The following NR6A1 variants were observed in gnomAD, a reference collection of about 807,000 sequenced individuals.
The protein encoded by NR6A1 is retinoic acid receptor-related testis-associated receptor.
Under a neutral mutation model 59.1 loss-of-function variants are expected in NR6A1, and 7 were observed. That is an observed-to-expected ratio of 0.12 (90% CI 0.07 to 0.22). The LOEUF is 0.22. Among genes scored for constraint, NR6A1 ranks in the 10% least tolerant of loss-of-function variants. NR6A1 has a pLI of 1.00. For synonymous variants in NR6A1, 243 were observed against 236.1 expected, an observed-to-expected ratio of 1.03 and a Z score of -0.27; for missense variants, 468 against 611.6, an observed-to-expected ratio of 0.77 and a Z score of 2.48.
rs1314265583 is a variant in NR6A1 at position 124,520,558 on chromosome 9, A to T, written c.*2147T>A. 1.3e-5 allele frequency: 2 copies of T among 152,250 alleles called. No individual in the cohort carries two copies. The highest frequency in any genetic ancestry group is 3.8e-4 in the East Asian group (2 of 5,204). The allele number at this position is 152,250 out of a possible 1,614,324, so 9.4% of individuals were successfully genotyped here. A position where few individuals can be genotyped will look rare whatever the true frequency, so the allele number is the denominator to read the frequency against. ...ACCCAACACAACGGGTAAAATGTTT[A>T]ATTTGAAAAGCAATTTCAAAAATAA... On this transcript the variant is annotated 3_prime_UTR_variant, in exon 10 of 10. Coordinates refer to ENST00000487099, the MANE Select transcript of NR6A1 (RefSeq NM_033334.4).
chr9:124,649,663 G>C (rs79740747), intron 2 of NR6A1, among the ~76,000 whole-genome samples: 2,714 of 152,140 alleles, frequency 0.018, 81 homozygotes, highest in African/African-American at 0.062. Flanking sequence ...ACAAAATAAA[G>C]AGATAACCTA....
At chr9:124,610,255 A>C (rs1387097324) in intron 2 of NR6A1, among the ~76,000 whole-genome samples, 1 of 152,050 alleles carries the variant, frequency 6.6e-6, no homozygotes, top group African/African-American at 2.4e-5. Flanking sequence ...TATGGCTCTT[A>C]TTATTTTGAG....
chr9:124,751,651 C>G (rs956426975), intron 1 of NR6A1, among the ~76,000 whole-genome samples: 4 of 152,152 alleles, frequency 2.6e-5, no homozygotes, highest in African/African-American at 4.8e-5. Flanking sequence ...CTACATGAGT[C>G]TGGTGCCTGG....
intron 2 of NR6A1, among the ~76,000 whole-genome samples, chr9:124,648,926 C>G (rs1261482050): frequency 6.6e-6 from 1 of 151,624 alleles, no homozygotes; most frequent in East Asian, 1.9e-4. Context: ...ACAATGAAAA[C>G]TATAAAACAC....
At chr9:124,627,555 A>G (rs1383378279) in intron 2 of NR6A1, among the ~76,000 whole-genome samples, 1 of 152,182 alleles carries the variant, frequency 6.6e-6, no homozygotes, top group Non-Finnish European at 1.5e-5. Context: ...ACATCTTAGC[A>G]AATGAGAGTG....
chr9:124,566,814 T>C (rs1382181682), intron 2 of NR6A1, among the ~76,000 whole-genome samples: 1 of 152,140 alleles, frequency 6.6e-6, no homozygotes, highest in Admixed American at 6.6e-5. Context: ...GGCTTTAGTT[T>C]AAAGAGAGGA....
At chr9:124,655,255 C>G (rs537075595) in intron 2 of NR6A1, among the ~76,000 whole-genome samples, 1 of 152,254 alleles carries the variant, frequency 6.6e-6, no homozygotes, top group East Asian at 1.9e-4. Context: ...AAGTCTGCCT[C>G]TAACATAATG....
At chr9:124,725,507 T>C (rs1488130919) in intron 2 of NR6A1, among the ~76,000 whole-genome samples, 5 of 152,184 alleles carry the variant, frequency 3.3e-5, no homozygotes. Flanking sequence ...ACCACTGCCA[T>C]GCACAACTGG....
intron 2 of NR6A1, among the ~76,000 whole-genome samples, chr9:124,561,992 A>G (rs1834097486): frequency 6.6e-6 from 1 of 152,266 alleles, no homozygotes; most frequent in African/African-American, 2.4e-5. Flanking sequence ...GGGGAAAGTA[A>G]TGACAGATTT....
chr9:124,531,921 G>A (rs953867140), intron 7 of NR6A1, among the ~76,000 whole-genome samples: 4 of 152,168 alleles, frequency 2.6e-5, no homozygotes, highest in Non-Finnish European at 4.4e-5. Flanking sequence ...CTATGGAACA[G>A]CCTCCTTCCT....
chr9:124,698,615 T>C (rs770516295), intron 2 of NR6A1: 44 of 152,266 alleles, frequency 2.9e-4, no homozygotes, highest in Admixed American at 1.3e-4. Flanking sequence ...AGATAATAAA[T>C]GTTTTTTTTA....
chr9:124,558,413 G>A (rs1350427887), intron 2 of NR6A1, among the ~76,000 whole-genome samples: 2 of 151,752 alleles, frequency 1.3e-5, no homozygotes, highest in Non-Finnish European at 2.9e-5. Context: ...CCATGGATGA[G>A]GAACTAATTC....
At chr9:124,588,919 CAA>C (rs57274135) in intron 2 of NR6A1, among the ~76,000 whole-genome samples, 6 of 52,432 alleles carry the variant, frequency 1.1e-4, no homozygotes, top group Non-Finnish European at 1.5e-4. Flanking sequence ...GACTCTGTCT[CAA>C]AAAAAAAAAA....
At chr9:124,605,276 A>AG (rs1175733937) in intron 2 of NR6A1, among the ~76,000 whole-genome samples, 1 of 152,224 alleles carries the variant, frequency 6.6e-6, no homozygotes, top group African/African-American at 2.4e-5. Context: ...CTCAACTTAG[A>AG]GGGGGAAAAA....
At chr9:124,601,763 G>C (rs1420750668) in intron 2 of NR6A1, among the ~76,000 whole-genome samples, 3 of 151,496 alleles carry the variant, frequency 2.0e-5, no homozygotes. Flanking sequence ...AGGAGTTCAA[G>C]GCCAGCTTTG....
intron 2 of NR6A1, among the ~76,000 whole-genome samples, chr9:124,703,752 T>C (rs1025508291): frequency 2.0e-5 from 3 of 152,238 alleles, no homozygotes; most frequent in Non-Finnish European, 1.5e-5. Flanking sequence ...ACCATGCTCG[T>C]AGAATGAGTT....
At chr9:124,730,555 C>CTT (rs56330244) in intron 2 of NR6A1, among the ~76,000 whole-genome samples, 6,749 of 123,054 alleles carry the variant, frequency 0.055, 331 homozygotes, top group Admixed American at 0.15. Flanking sequence ...ATTTTTTAGT[C>CTT]TTTTTTTTTT....
chr9:124,667,189 G>A (rs1042888837), intron 2 of NR6A1, among the ~76,000 whole-genome samples: 2 of 151,624 alleles, frequency 1.3e-5, no homozygotes, highest in Non-Finnish European at 2.9e-5. Flanking sequence ...CACCCGCCAC[G>A]CCTGGCTAAA....
At chr9:124,694,309 C>A (rs1838670225) in intron 2 of NR6A1, among the ~76,000 whole-genome samples, 1 of 152,014 alleles carries the variant, frequency 6.6e-6, no homozygotes, top group Non-Finnish European at 1.5e-5. Context: ...GTGGCTTAGA[C>A]AAAAATAAGC....
Sources: allele counts gnomAD v4.1 joint callset (sites outside exome capture counted in the v4.1 genomes callset), GRCh38; gene constraint gnomAD v4.1.1; transcripts MANE v1.5; gene names NCBI Gene and HGNC (gene_info 2026-07-23, HGNC 2026-07-21).